MGAM: variants seen among roughly 807,000 people sequenced by gnomAD.
MGAM encodes alpha-1,4-glucosidase.
A neutral mutation model predicts 358.8 loss-of-function variants in MGAM; 253 were observed. The ratio of observed to expected loss-of-function variants is 0.71; its 90% CI spans 0.64 to 0.78. The LOEUF is 0.78. Ranked by LOEUF, MGAM falls within the 30% of genes least tolerant of loss-of-function variation. MGAM has a pLI of 0.00. For synonymous variants in MGAM, 1,105 were observed against 1,227.1 expected, an observed-to-expected ratio of 0.90 and a Z score of 2.08; for missense variants, 3,080 against 3,432.6, an observed-to-expected ratio of 0.90 and a Z score of 2.57.
At chr7:142,105,487 C>G (rs568426044) in intron 70 of MGAM, among the ~76,000 whole-genome samples, 2 of 152,142 alleles carry the variant, frequency 1.3e-5, no homozygotes, top group Non-Finnish European at 2.9e-5. Flanking sequence ...GGGGTTTCAC[C>G]ATGTTGGCCA....
intron 49 of MGAM, 101 bp downstream of exon 49, chr7:142,079,109 A>G: frequency 9.6e-7 from 1 of 1,038,730 alleles, no homozygotes. Context: ...TAATCATGCT[A>G]CATTAGACTA....
rs201161396 is a variant in MGAM at position 142,032,859 on chromosome 7, C to T, written c.1619C>T (p.Ser540Leu). Residue 540 changes from serine (S) to leucine (L), a missense_variant, in exon 14 of 71, where the codon TCG becomes TTG. This residue lies in a region of MGAM where 1,816 missense variants were observed against 1,840.5 expected (regional missense o/e 0.99). Transcript: ENST00000475668. ...GAAGTCTCCAACTTTGTTGATGGTT[C>T]GGTCTCAGGATGTTCCACAAACAAC... ...MNEVSNFVDG[S>L]VSGCSTNNLN... 1.2e-4 allele frequency: 187 copies of T among 1,609,792 alleles called. No individual in the cohort carries two copies. Among genetic ancestry groups the T allele is most frequent in the Non-Finnish European group, 1.4e-4 (170 of 1,178,032 alleles).
At position 142,065,878 on chromosome 7, in the gene MGAM, C is replaced by T; in HGVS notation, c.4770+47C>T. On this transcript the variant is annotated intron_variant, in intron 40 of 70. Transcript: ENST00000475668. The stretch of plus-strand genomic sequence containing the variant: ...CCACTGTTTTATGTCACTTGAAAGA[C>T]AGTCTCCATTTCTGTGCTAAAAGTA... 3.7e-6 allele frequency: 5 copies of T among 1,368,166 alleles called. 1 individual carries two copies. Among genetic ancestry groups the T allele is most frequent in the South Asian group, 1.2e-5 (1 of 82,524 alleles). 84.8% of individuals were successfully genotyped at this position (1,368,166 alleles called of 1,614,324 possible).
In MGAM at chr7:142,055,592, G is replaced by T; in HGVS notation, c.3349G>T (p.Asp1117Tyr). 6.2e-7 allele frequency: 1 copy of T among 1,613,908 alleles called. No individual in the cohort carries two copies. The highest frequency in any genetic ancestry group is 2.2e-5 in the East Asian group (1 of 44,874). Residue 1117 changes from aspartate (D) to tyrosine (Y), a missense_variant, in exon 28 of 71, where the codon GAC (aspartate) becomes TAC (tyrosine). By Grantham distance (160) the Asp-to-Tyr change is radical. Transcript: ENST00000475668. Reference protein sequence around the residue: ...DSQLLGFTFSDMFIRISTRLP... With the variant: ...DSQLLGFTFSYMFIRISTRLP... The stretch of plus-strand genomic sequence containing the variant: ...TCAGCTCCTTGGCTTTACCTTCAGT[G>T]ACATGTTTATCCGCATCTCCACCCG...
At chr7:142,098,827 A>T (rs1387138104) in intron 66 of MGAM, among the ~76,000 whole-genome samples, 1 of 152,226 alleles carries the variant, frequency 6.6e-6, no homozygotes, top group African/African-American at 2.4e-5. Context: ...CAAGCTATTT[A>T]GAAAAAGATG....
intron 49 of MGAM, among the ~76,000 whole-genome samples, chr7:142,080,058 C>A (rs192872444): frequency 2.8e-4 from 41 of 146,748 alleles, no homozygotes; most frequent in African/African-American, 9.7e-4. Context: ...TTATTCTTCA[C>A]CAGAATGACT....
intron 67 of MGAM, among the ~76,000 whole-genome samples, chr7:142,100,489 G>A (rs989836182): frequency 6.6e-6 from 1 of 152,160 alleles, no homozygotes; most frequent in Admixed American, 6.5e-5. Context: ...ATTAGGTCAC[G>A]AAAACAGATT....
At chr7:142,067,133 C>G (rs760925150) in intron 41 of MGAM, among the ~76,000 whole-genome samples, 1 of 145,994 alleles carries the variant, frequency 6.8e-6, no homozygotes, top group Non-Finnish European at 1.6e-5. Context: ...GAGAACACAT[C>G]TACATCCCAG....
At position 142,096,364 on chromosome 7, in the gene MGAM, C is replaced by G; in HGVS notation, c.7641C>G (p.Asp2547Glu). 3 of 1,613,744 alleles carry G rather than the reference C, an allele frequency of 1.9e-6. No individual in the cohort carries two copies. Among genetic ancestry groups the G allele is most frequent in the African/African-American group, 1.3e-5 (1 of 75,030 alleles). Reference protein sequence around the residue: ...FVSDQVTWDIDSQFLLGPAFL... With the variant: ...FVSDQVTWDIESQFLLGPAFL... ...CAGACCAGGTGACATGGGACATAGA[C>G]AGTCAGTTCCTGCTGGGCCCAGCCT... The change falls in exon 65 of 71, where the codon GAC (aspartate) becomes GAG (glutamate). Residue 2547 changes from aspartate to glutamate, a missense_variant. By Grantham distance (45) the Asp-to-Glu change is conservative. Around this residue, in one of 5 missense-constraint regions of MGAM, gnomAD observed 932 missense variants for 1,198.2 expected, o/e 0.78. Coordinates refer to ENST00000475668, the MANE Select transcript of MGAM (RefSeq NM_001365693.1).
At chr7:142,100,479 A>G (rs1563229361) in intron 67 of MGAM, among the ~76,000 whole-genome samples, 2 of 152,252 alleles carry the variant, frequency 1.3e-5, no homozygotes, top group Non-Finnish European at 2.9e-5. Context: ...TGTTTCAGAT[A>G]TTAGGTCACG....
rs1180207691 is a variant in MGAM at position 142,065,840 on chromosome 7, G to A, written c.4770+9G>A. The A allele has an allele frequency of 1.3e-6, 2 of 1,525,384 alleles. No homozygotes were observed. The highest frequency in any genetic ancestry group is 2.3e-5 in the East Asian group (1 of 43,768). 94.5% of individuals were successfully genotyped at this position (1,525,384 alleles called of 1,614,324 possible). A position where few individuals can be genotyped will look rare whatever the true frequency, so the allele number is the denominator to read the frequency against. ...ATACCATTGGGACCAGGGTAGGACAGTGGCTTCTACCTCCACTGTTTTATG... is the reference window on the plus strand; with the variant it reads ...ATACCATTGGGACCAGGGTAGGACAATGGCTTCTACCTCCACTGTTTTATG... On this transcript the variant is annotated intron_variant, in intron 40 of 70. Coordinates refer to ENST00000475668, the MANE Select transcript of MGAM (RefSeq NM_001365693.1).
At chr7:142,097,345 AAT>A (rs1816014516) in intron 65 of MGAM, among the ~76,000 whole-genome samples, 1 of 20,284 alleles carries the variant, frequency 4.9e-5, no homozygotes, top group African/African-American at 6.0e-5. Flanking sequence ...GCAAATAGTG[AAT>A]TTTTTTTTTT....
At chr7:142,058,619 C>T (rs1201804184) in intron 31 of MGAM, among the ~76,000 whole-genome samples, 2 of 152,204 alleles carry the variant, frequency 1.3e-5, no homozygotes, top group Non-Finnish European at 2.9e-5. Flanking sequence ...GGCTTCAAAA[C>T]ATGTAGTCAA....
intron 21 of MGAM, 73 bp downstream of exon 21, chr7:142,040,919 C>A: frequency 1.3e-6 from 2 of 1,501,918 alleles, no homozygotes; most frequent in South Asian, 2.7e-5. Context: ...TTTCGAAACA[C>A]ACTAACAGCC....
At chr7:142,082,628 G>A (rs1563206535) in intron 52 of MGAM, 57 bp downstream of exon 52, 3 of 1,290,574 alleles carry the variant, frequency 2.3e-6, no homozygotes, top group Non-Finnish European at 3.2e-6. Context: ...GCCTGAGTCA[G>A]TTTAGAATGT....
rs988133446 is a variant in MGAM, at chr7:142,013,050, G to A, written c.327+4345G>A. Among the ~76,000 whole-genome samples the A allele has an allele frequency of 3.9e-5, 6 of 152,102 alleles. No individual in the cohort carries two copies. In the East Asian group the frequency reaches 9.6e-4, roughly 24 times the overall value. ...GCGGCCCAGCTTCAACAGGAACAGCGACAGACTCCACCTCTTGACACAAAG... is the reference window on the plus strand; with the variant it reads ...GCGGCCCAGCTTCAACAGGAACAGCAACAGACTCCACCTCTTGACACAAAG... On this transcript the variant is annotated intron_variant, in intron 3 of 70. Coordinates refer to ENST00000475668, the MANE Select transcript of MGAM (RefSeq NM_001365693.1).
Position 142,078,438 on chromosome 7 carries a change from G to A in MGAM, c.5614G>A (p.Glu1872Lys), listed in dbSNP as rs2129051211. ...CYPDENGDSA[E>K]NCTARGCIWE... ...CCCTGATGAGAATGGTGATTCTGCA[G>A]AAAACTGCACTGCCCGTGGCTGTAT... The change falls in exon 48 of 71, where the codon GAA becomes AAA. Residue 1872 changes from glutamate (E) to lysine (K), a missense_variant. This residue lies in a region of MGAM where 932 missense variants were observed against 1,198.2 expected (regional missense o/e 0.78). Transcript: ENST00000475668. The A allele has an allele frequency of 6.5e-7, 1 of 1,545,532 alleles. No individual in the cohort carries two copies. Among genetic ancestry groups the A allele is most frequent in the East Asian group, 2.3e-5 (1 of 43,622 alleles).
At chr7:142,102,819 C>A in intron 69 of MGAM, 140 bp downstream of exon 69, 4 of 864,688 alleles carry the variant, frequency 4.6e-6, no homozygotes, top group Non-Finnish European at 7.1e-6. Flanking sequence ...CTCTAGACTT[C>A]CGGTGGAAAT....
chr7:142,093,966 T>C lies in MGAM; in HGVS notation c.7173-398T>C, dbSNP rs1402555803. ...TTTCACCATTCTTGGTGGAGGCTAA[T>C]TGGTATTCCACTGAATTAGCACAGT... On this transcript the variant is annotated intron_variant, in intron 60 of 70. Transcript: ENST00000475668. Among the ~76,000 whole-genome samples the C allele has an allele frequency of 4.1e-5, 6 of 146,096 alleles. No individual in the cohort carries two copies. The South Asian group carries it at 1.1e-3, about 27-fold the overall frequency.
Sources: allele counts gnomAD v4.1 joint callset (sites outside exome capture counted in the v4.1 genomes callset), GRCh38; gene constraint gnomAD v4.1.1; regional missense constraint gnomAD v4.1.1; transcripts MANE v1.5; gene names NCBI Gene and HGNC (gene_info 2026-07-23, HGNC 2026-07-21).